Variants in STARD8 observed in about 807,000 individuals in gnomAD.
STARD8 encodes the protein StAR related lipid transfer domain containing 8.
A neutral mutation model predicts 69.4 loss-of-function variants in STARD8; 25 were observed. The ratio of observed to expected loss-of-function variants is 0.36; its 90% CI spans 0.26 to 0.50. The LOEUF is 0.50. Among genes scored for constraint, STARD8 ranks in the 20% least tolerant of loss-of-function variants. STARD8 has a pLI of 0.96. For missense variants in STARD8, 921 were observed against 932.5 expected (o/e 0.99, Z 0.16); for synonymous variants, 389 against 374.6 (o/e 1.04, Z -0.45).
At chrX:68,713,626 T>C (rs1478750692) in intron 3 of STARD8, among the ~76,000 whole-genome samples, 4 of 111,701 alleles carry the variant, frequency 3.6e-5, no homozygotes, top group African/African-American at 1.3e-4. Flanking sequence ...CCCCCTTTCC[T>C]GGCTGCCTCT....
intron 2 of STARD8, among the ~76,000 whole-genome samples, chrX:68,678,892 T>G (rs1316275603): frequency 1.8e-5 from 2 of 112,446 alleles, no homozygotes; most frequent in Non-Finnish European, 3.8e-5. Flanking sequence ...CGGCCTGTAT[T>G]CAGATCCCCA....
chrX:68,697,498 G>A (rs2079929937), intron 2 of STARD8, among the ~76,000 whole-genome samples: 1 of 112,314 alleles, frequency 8.9e-6, no homozygotes. Context: ...TGCTTCCCCA[G>A]TCCAGGGCAC....
intron 2 of STARD8, among the ~76,000 whole-genome samples, chrX:68,707,121 C>A (rs1436654534): frequency 8.9e-6 from 1 of 112,676 alleles, no homozygotes; most frequent in East Asian, 2.8e-4. Context: ...GTGGGAGAGA[C>A]AAACATGGAG....
At chrX:68,721,815 C>T in intron 10 of STARD8, 69 bp downstream of exon 10, 2 of 1,040,937 alleles carry the variant, frequency 1.9e-6, no homozygotes, top group East Asian at 3.1e-5. Flanking sequence ...GGACTTTTGG[C>T]TTTTGATGGC....
chrX:68,679,821 C>A (rs776475457), intron 2 of STARD8, among the ~76,000 whole-genome samples: 2 of 111,951 alleles, frequency 1.8e-5, no homozygotes, highest in Non-Finnish European at 3.8e-5. Context: ...CTAGGCCTTC[C>A]GATTGGGCTC....
At chrX:68,683,571 C>T (rs188146664) in intron 2 of STARD8, among the ~76,000 whole-genome samples, 1 of 111,711 alleles carries the variant, frequency 9.0e-6, no homozygotes, top group African/African-American at 3.3e-5. Flanking sequence ...GTCTCCTCTT[C>T]CTGGAGTGTA....
chrX:68,688,849 C>T (rs1322644079), intron 2 of STARD8, among the ~76,000 whole-genome samples: 16 of 104,923 alleles, frequency 1.5e-4, no homozygotes, highest in African/African-American at 3.8e-4. Context: ...CCCCCACCCC[C>T]GTGCTCTGCA....
At chrX:68,686,916 C>A (rs772413748) in intron 2 of STARD8, among the ~76,000 whole-genome samples, 1 of 110,922 alleles carries the variant, frequency 9.0e-6, no homozygotes, top group African/African-American at 3.3e-5. Context: ...ACGTGGTAGG[C>A]GTTCAGTAAA....
At chrX:68,678,412 G>T (rs2079780520) in intron 2 of STARD8, among the ~76,000 whole-genome samples, 1 of 111,986 alleles carries the variant, frequency 8.9e-6, no homozygotes, top group Admixed American at 9.4e-5. Flanking sequence ...AGGAGTTTGA[G>T]AGTGATAGGG....
rs1168919058 is a variant in STARD8 at position 68,705,156 on chromosome X, G to A, written c.80-7758G>A. Among the ~76,000 whole-genome samples, 3 of 112,590 alleles carry A rather than the reference G, an allele frequency of 2.7e-5. No individual in the cohort carries two copies. The East Asian group carries it at 8.4e-4, about 32-fold the overall frequency. ...ACTGGGTTGGGGGCAGGAGCCCCTT[G>A]GGGGCAAGAAAACTAATGGAGCAAC... On this transcript the variant is annotated intron_variant, in intron 2 of 14. Transcript: ENST00000374599.
intron 2 of STARD8, among the ~76,000 whole-genome samples, chrX:68,703,702 G>A (rs2079983808): frequency 8.9e-6 from 1 of 112,188 alleles, no homozygotes; most frequent in Non-Finnish European, 1.9e-5. Context: ...GCAAGGGGGT[G>A]GGATGCAGAC....
intron 2 of STARD8, among the ~76,000 whole-genome samples, chrX:68,670,761 C>A (rs1490862592): frequency 9.0e-6 from 1 of 111,416 alleles, no homozygotes; most frequent in Non-Finnish European, 1.9e-5. Flanking sequence ...TCTCTGGAAA[C>A]CTCCTCTTTC....
At chrX:68,668,287 T>C (rs1422281034) in intron 2 of STARD8, among the ~76,000 whole-genome samples, 1 of 92,478 alleles carries the variant, frequency 1.1e-5, no homozygotes. Context: ...TTTCTTTCTT[T>C]CTTTCTTTCT....
intron 2 of STARD8, among the ~76,000 whole-genome samples, chrX:68,696,202 T>A (rs1031452214): frequency 1.8e-5 from 2 of 112,522 alleles, no homozygotes; most frequent in African/African-American, 3.2e-5. Context: ...ACAAGGGCTT[T>A]AGGGTGGGAA....
At chrX:68,692,074 C>A (rs930736722) in intron 2 of STARD8, among the ~76,000 whole-genome samples, 3 of 111,795 alleles carry the variant, frequency 2.7e-5, no homozygotes, top group African/African-American at 9.8e-5. Context: ...TGTGCACAGG[C>A]AAGATGCCTT....
Position 68,712,991 on chromosome X carries a change from G to A in STARD8, c.151+6G>A, listed in dbSNP as rs142354326. Reference sequence around the variant, plus strand: ...GTATGTGCAGCTTTTTGAAGGTAAGGCCACTCAACTGTTTACCCTCCCATA... The same window carrying A: ...GTATGTGCAGCTTTTTGAAGGTAAGACCACTCAACTGTTTACCCTCCCATA... On this transcript the variant is annotated splice_donor_region_variant and intron_variant, in intron 3 of 14. Coordinates refer to ENST00000374599, the MANE Select transcript of STARD8 (RefSeq NM_001142503.3). 7 of 1,200,232 alleles carry A rather than the reference G, an allele frequency of 5.8e-6. No individual in the cohort carries two copies. The highest frequency in any genetic ancestry group is 2.3e-4 in the Middle Eastern group (1 of 4,339).
chrX:68,674,065 G>A (rs1407073297), intron 2 of STARD8, among the ~76,000 whole-genome samples: 2 of 111,135 alleles, frequency 1.8e-5, no homozygotes, highest in African/African-American at 3.3e-5. Flanking sequence ...AGGCCAAGGC[G>A]GGTGGATCAC....
chrX:68,700,148 T>A (rs1023017834), intron 2 of STARD8, among the ~76,000 whole-genome samples: 1 of 111,621 alleles, frequency 9.0e-6, no homozygotes, highest in Non-Finnish European at 1.9e-5. Context: ...GAAGAGTGAA[T>A]CAGACAGTGA....
chrX:68,668,077 C>CTTTCTTTCTTTCTT, intron 2 of STARD8, among the ~76,000 whole-genome samples: 1 of 90,483 alleles, frequency 1.1e-5, no homozygotes, highest in East Asian at 3.5e-4. Context: ...TTCTTTCTTT[C>CTTTCTTTCTTTCTT]TTTCTTTCTT....
Sources: allele counts gnomAD v4.1 joint callset (sites outside exome capture counted in the v4.1 genomes callset), GRCh38; gene constraint gnomAD v4.1.1; transcripts MANE v1.5; gene names NCBI Gene and HGNC (gene_info 2026-07-23, HGNC 2026-07-21).